Variants in JKAMP observed in about 807,000 individuals in gnomAD.
JKAMP encodes JNK1/MAPK8-associated membrane protein.
JKAMP carries 20 observed loss-of-function variants against 40.2 expected under a neutral mutation model. That is an observed-to-expected ratio of 0.50 (90% confidence interval 0.35 to 0.72). JKAMP has a LOEUF of 0.72. JKAMP is among the 30% of genes least tolerant of loss of function. The probability of loss-of-function intolerance (pLI) is 0.01; values close to 1 mark genes in which losing one functional copy is unlikely to be tolerated. For missense variants in JKAMP, 276 were observed against 373.0 expected, an observed-to-expected ratio of 0.74 and a Z score of 2.14; for synonymous variants, 138 against 131.6, an observed-to-expected ratio of 1.05 and a Z score of -0.33.
In JKAMP at chr14:59,484,740, T is replaced by G. The variant is rs116224422; in HGVS notation, c.4+147T>G. 8 of 1,088,332 alleles carry G rather than the reference T, an allele frequency of 7.4e-6. No homozygotes were observed. The South Asian group carries it at 1.0e-4, about 14-fold the overall frequency. 67.4% of individuals were successfully genotyped at this position (1,088,332 alleles called of 1,614,324 possible). On this transcript the variant is annotated intron_variant, in intron 1 of 6. Coordinates refer to ENST00000616435, the MANE Select transcript of JKAMP (RefSeq NM_016475.5). ...GACCCCGCCCGCCCTCGGGCCGGGC[T>G]CCGCACTCCTGCGGGGTTGGGGTGG...
At chr14:59,498,070 G>A (rs1490177654) in intron 4 of JKAMP, among the ~76,000 whole-genome samples, 6 of 151,968 alleles carry the variant, frequency 3.9e-5, no homozygotes, top group Non-Finnish European at 8.8e-5. Flanking sequence ...CATTAAAAAT[G>A]GGACATTCAA....
chr14:59,500,552 T>C (rs1891799474), intron 5 of JKAMP, among the ~76,000 whole-genome samples: 1 of 152,210 alleles, frequency 6.6e-6, no homozygotes, highest in Non-Finnish European at 1.5e-5. Flanking sequence ...GAATGATCTC[T>C]TTATCCTTTA....
chr14:59,494,121 G>GGGGT (rs113457640), intron 3 of JKAMP, among the ~76,000 whole-genome samples: 1,819 of 151,064 alleles, frequency 0.012, 28 homozygotes, highest in African/African-American at 0.042. Context: ...AGAAAATTTG[G>GGGGT]GTGTGTGTGT....
At chr14:59,499,863 C>T (rs1891741240) in intron 5 of JKAMP, among the ~76,000 whole-genome samples, 1 of 152,170 alleles carries the variant, frequency 6.6e-6, no homozygotes, top group African/African-American at 2.4e-5. Context: ...CCCTCTAGCT[C>T]CTCTATTTCC....
At chr14:59,501,322 A>G (rs1291500158) in intron 6 of JKAMP, 55 bp downstream of exon 6, 17 of 1,091,222 alleles carry the variant, frequency 1.6e-5, no homozygotes, top group Middle Eastern at 4.2e-4. Context: ...TGACAATTCA[A>G]TATCAGAATA....
chr14:59,494,251 G>T (rs1239156918), intron 3 of JKAMP, among the ~76,000 whole-genome samples: 1 of 148,566 alleles, frequency 6.7e-6, no homozygotes. Context: ...TTATAAAAAG[G>T]CTTCACAAAG....
chr14:59,484,902 T>C, intron 1 of JKAMP: 2 of 1,414,168 alleles, frequency 1.4e-6, no homozygotes, highest in Non-Finnish European at 1.9e-6. Context: ...GACTTCGGAA[T>C]TGAAAACGCG....
chr14:59,495,489 CT>C (rs1356810822), intron 4 of JKAMP, among the ~76,000 whole-genome samples: 2 of 151,992 alleles, frequency 1.3e-5, no homozygotes, highest in African/African-American at 4.8e-5. Context: ...ATAGGAGGCA[CT>C]TTATAGTAAA....
chr14:59,497,366 G>C (rs1477737770), intron 4 of JKAMP, among the ~76,000 whole-genome samples: 1 of 152,168 alleles, frequency 6.6e-6, no homozygotes, highest in Non-Finnish European at 1.5e-5. Flanking sequence ...TGAAAGAGGG[G>C]AAGAGTGGAA....
intron 1 of JKAMP, among the ~76,000 whole-genome samples, chr14:59,486,276 A>G (rs1890562283): frequency 1.3e-5 from 2 of 152,232 alleles, no homozygotes; most frequent in South Asian, 4.1e-4. Flanking sequence ...TTCTGTTATG[A>G]ACATAGGTGA....
At position 59,505,098 on chromosome 14, in the gene JKAMP, G is replaced by A; in HGVS notation, c.*1026G>A. On this transcript the variant is annotated 3_prime_UTR_variant, in exon 7 of 7. Transcript: ENST00000616435. Reference sequence around the variant, plus strand: ...TTTATTGTTTAGAAGTTTATTTACTGATACTTGGTGGAGGTTGTGTGAATT... The same window carrying A: ...TTTATTGTTTAGAAGTTTATTTACTAATACTTGGTGGAGGTTGTGTGAATT... 2 of 444,164 alleles carry A rather than the reference G, an allele frequency of 4.5e-6. No individual in the cohort carries two copies. Among genetic ancestry groups the A allele is most frequent in the Non-Finnish European group, 8.0e-6 (2 of 248,988 alleles). The allele number at this position is 444,164 out of a possible 1,614,324, so 27.5% of individuals were successfully genotyped here. A position where few individuals can be genotyped will look rare whatever the true frequency, so the allele number is the denominator to read the frequency against.
In JKAMP at chr14:59,505,396, G is replaced by A. The variant is rs1892286496; in HGVS notation, c.*1324G>A. 1 of 709,484 alleles carries A rather than the reference G, an allele frequency of 1.4e-6. No homozygotes were observed. Among genetic ancestry groups the A allele is most frequent in the East Asian group, 2.8e-5 (1 of 35,106 alleles). 43.9% of individuals were successfully genotyped at this position (709,484 alleles called of 1,614,324 possible). A position where few individuals can be genotyped will look rare whatever the true frequency, so the allele number is the denominator to read the frequency against. Reference sequence around the variant, plus strand: ...GGTTATTAGTGTTCATTAAAATTCTGAGTTGCCCAAAGAATCCTCAATTGA... The same window carrying A: ...GGTTATTAGTGTTCATTAAAATTCTAAGTTGCCCAAAGAATCCTCAATTGA... On this transcript the variant is annotated 3_prime_UTR_variant, in exon 7 of 7. Transcript: ENST00000616435.
intron 1 of JKAMP, chr14:59,484,838 A>C (rs1000779507): frequency 7.7e-6 from 8 of 1,039,334 alleles, no homozygotes; most frequent in Non-Finnish European, 1.1e-5. Context: ...GTTTGGTCCG[A>C]AATGTCTCTT....
intron 3 of JKAMP, among the ~76,000 whole-genome samples, chr14:59,489,704 GAA>G (rs1242761413): frequency 6.6e-6 from 1 of 152,142 alleles, no homozygotes; most frequent in African/African-American, 2.4e-5. Context: ...AATTTATAAA[GAA>G]AAGAGGTTTA....
intron 3 of JKAMP, among the ~76,000 whole-genome samples, chr14:59,492,008 C>G (rs1289802819): frequency 6.6e-6 from 1 of 152,136 alleles, no homozygotes; most frequent in African/African-American, 2.4e-5. Flanking sequence ...TAGTAATGGC[C>G]TCATAGTCTG....
At chr14:59,497,014 T>G (rs1258762810) in intron 4 of JKAMP, among the ~76,000 whole-genome samples, 1 of 151,344 alleles carries the variant, frequency 6.6e-6, no homozygotes, top group African/African-American at 2.4e-5. Context: ...TTTTTTTTTT[T>G]GCAAGTCAAC....
chr14:59,504,283 T>TC lies in JKAMP; in HGVS notation c.*211_*212insC. On this transcript the variant is annotated 3_prime_UTR_variant, in exon 7 of 7. Coordinates refer to ENST00000616435, the MANE Select transcript of JKAMP (RefSeq NM_016475.5). ...TAATACTCTGTTACACAGGGTAATATTATCTGCTACACTGGAAGGCCGCTA... is the reference window on the plus strand; with the variant it reads ...TAATACTCTGTTACACAGGGTAATATCTATCTGCTACACTGGAAGGCCGCTA... 7.3e-6 allele frequency: 4 copies of TC among 545,284 alleles called. No individual in the cohort carries two copies. The highest frequency in any genetic ancestry group is 3.3e-5 in the Admixed American group (1 of 29,890). The allele number at this position is 545,284 out of a possible 1,614,324, so 33.8% of individuals were successfully genotyped here.
chr14:59,487,076 G>A (rs949772379), intron 2 of JKAMP: 8 of 239,828 alleles, frequency 3.3e-5, no homozygotes, highest in African/African-American at 9.2e-5. Context: ...AGTTGTGTGC[G>A]CCTGTAGTCC....
In JKAMP at chr14:59,498,889, A is replaced by C; in HGVS notation, c.621A>C (p.Ala207=). The C allele has an allele frequency of 6.2e-7, 1 of 1,607,554 alleles. No homozygotes were observed. Residue 207 remains alanine (A), a synonymous_variant, in exon 5 of 7, where the codon GCA becomes GCC. Coordinates refer to ENST00000616435, the MANE Select transcript of JKAMP (RefSeq NM_016475.5). The stretch of plus-strand genomic sequence containing the variant: ...TCCCAATTTTAACCGTGCTTCAGGC[A>C]GTTGGTGGAGGCCTTTTATGTAAGT... ...YFFPILTVLQ[A]VGGGLLYYAF... is the part of the protein sequence containing the mutation.
Sources: gnomAD v4.1 joint callset for allele counts (sites outside exome capture counted in the v4.1 genomes callset) on GRCh38, gnomAD v4.1.1 for gene constraint, MANE v1.5 for transcripts, NCBI Gene and HGNC (gene_info 2026-07-23, HGNC 2026-07-21) for gene names.